The following CCDC57 variants were observed in gnomAD, a reference collection of about 807,000 sequenced individuals.
CCDC57 encodes the protein coiled-coil domain containing 57.
CCDC57 carries 118 observed loss-of-function variants against 118.9 expected under a neutral mutation model. The observed-to-expected ratio is 0.99, with a 90% CI of 0.86 to 1.16. CCDC57 has a LOEUF of 1.16. CCDC57 is among the 50% of genes most tolerant of loss of function. CCDC57 has a pLI of 0.00. For missense variants in CCDC57, 1,300 were observed against 1,320.7 expected, an observed-to-expected ratio of 0.98 and a Z score of 0.24; for synonymous variants, 527 against 532.9, an observed-to-expected ratio of 0.99 and a Z score of 0.15.
chr17:82,204,611 G>A (rs892663073), intron 2 of CCDC57, among the ~76,000 whole-genome samples: 14 of 152,098 alleles, frequency 9.2e-5, no homozygotes, highest in African/African-American at 1.9e-4. Flanking sequence ...GTGAAACCCC[G>A]TCTCTACTAA....
intron 11 of CCDC57, among the ~76,000 whole-genome samples, chr17:82,177,370 C>CT (rs2045659319): frequency 6.6e-6 from 1 of 151,748 alleles, no homozygotes; most frequent in Non-Finnish European, 1.5e-5. Flanking sequence ...GAGCAAAACT[C>CT]TGTCTAAAAA....
chr17:82,123,122 C>T (rs967688533), intron 19 of CCDC57, among the ~76,000 whole-genome samples: 1 of 105,766 alleles, frequency 9.5e-6, no homozygotes. Flanking sequence ...CTCCTAATAA[C>T]TTTTTTTTTT....
At chr17:82,148,369 A>G (rs138462816) in intron 16 of CCDC57, among the ~76,000 whole-genome samples, 173 of 794 alleles carry the variant, frequency 0.22, 15 homozygotes, top group South Asian at 0.33. Flanking sequence ...GGATGGGTGG[A>G]TGGGTGGGTG....
At chr17:82,146,099 G>T (rs764556037) in intron 16 of CCDC57, among the ~76,000 whole-genome samples, 38 of 152,190 alleles carry the variant, frequency 2.5e-4, no homozygotes, top group Non-Finnish European at 4.4e-4. Flanking sequence ...GTGACCCCTG[G>T]GCCACCGGTG....
At chr17:82,143,466 G>A (rs1378464190) in intron 16 of CCDC57, among the ~76,000 whole-genome samples, 5 of 114,988 alleles carry the variant, frequency 4.3e-5, no homozygotes, top group Non-Finnish European at 7.2e-5. Context: ...GGGGAGGGGT[G>A]CTCTTACACA....
At chr17:82,189,661 C>T (rs2047404743) in intron 7 of CCDC57, among the ~76,000 whole-genome samples, 2 of 152,032 alleles carry the variant, frequency 1.3e-5, no homozygotes, top group South Asian at 4.1e-4. Context: ...ACCAGCCTGG[C>T]CAACATGGCG....
chr17:82,211,549 A>AT (rs1246863141), intron 1 of CCDC57, among the ~76,000 whole-genome samples: 117 of 111,540 alleles, frequency 1.0e-3, no homozygotes, highest in Admixed American at 1.4e-3. Context: ...AGTTACAGAT[A>AT]ATTTTTTTTT....
intron 17 of CCDC57, among the ~76,000 whole-genome samples, chr17:82,133,790 G>C (rs1046396470): frequency 3.3e-5 from 5 of 152,030 alleles, no homozygotes; most frequent in African/African-American, 7.3e-5. Context: ...GAACCGGGAG[G>C]GGGAGGTTGT....
intron 8 of CCDC57, 58 bp from the exon 8 acceptor site, chr17:82,183,990 A>T: frequency 6.9e-7 from 1 of 1,446,884 alleles, no homozygotes; most frequent in Non-Finnish European, 9.5e-7. Context: ...GTTGTCTCTT[A>T]CACAGCACCC....
At chr17:82,157,656 C>T (rs2042836877) in intron 15 of CCDC57, 92 bp downstream of exon 14, 9 of 1,488,250 alleles carry the variant, frequency 6.0e-6, no homozygotes, top group Non-Finnish European at 7.2e-6. Flanking sequence ...GCTCCCAGGG[C>T]ATACAGACAG....
intron 19 of CCDC57, among the ~76,000 whole-genome samples, chr17:82,114,443 A>G (rs1239753569): frequency 6.6e-6 from 1 of 152,226 alleles, no homozygotes; most frequent in Non-Finnish European, 1.5e-5. Flanking sequence ...GCAGAGGCCA[A>G]TCACACTGAA....
At chr17:82,160,231 A>G (rs2043152099) in intron 14 of CCDC57, 3 of 152,330 alleles carry the variant, frequency 2.0e-5, no homozygotes, top group African/African-American at 7.2e-5. Context: ...GGACAGCATG[A>G]CTCAGAAGCA....
intron 1 of CCDC57, among the ~76,000 whole-genome samples, chr17:82,209,619 A>AC (rs1396600871): frequency 9.0e-6 from 1 of 111,600 alleles, no homozygotes; most frequent in East Asian, 9.1e-4. Context: ...AGTAGCTGGG[A>AC]CTCAGACACA....
At chr17:82,151,586 A>G (rs1242117356) in exon 16 of CCDC57, 1 of 1,550,326 alleles carries the variant, frequency 6.5e-7, no homozygotes, top group East Asian at 2.4e-5. Context: ...CTCTGCACGG[A>G]GCCTGTTCCC....
At chr17:82,120,773 T>G (rs1298927613) in intron 19 of CCDC57, among the ~76,000 whole-genome samples, 3 of 152,092 alleles carry the variant, frequency 2.0e-5, no homozygotes, top group Non-Finnish European at 2.9e-5. Flanking sequence ...CTTTTTTTTT[T>G]GAGATGGAGT....
chr17:82,120,326 T>C (rs1480312516), intron 19 of CCDC57, among the ~76,000 whole-genome samples: 2 of 152,102 alleles, frequency 1.3e-5, no homozygotes, highest in Non-Finnish European at 1.5e-5. Context: ...GACTGTGTAG[T>C]GTGCATACTC....
chr17:82,152,971 C>T (rs543999579), intron 15 of CCDC57, among the ~76,000 whole-genome samples: 2 of 152,292 alleles, frequency 1.3e-5, no homozygotes, highest in South Asian at 2.1e-4. Context: ...TCTATGGTGC[C>T]GCAGGCCCCA....
intron 2 of CCDC57, among the ~76,000 whole-genome samples, chr17:82,205,502 G>A (rs573553677): frequency 3.1e-4 from 47 of 152,320 alleles, no homozygotes; most frequent in African/African-American, 1.0e-3. Context: ...CCCAGCCTGC[G>A]TGGCTCCAGC....
At chr17:82,145,581 A>G (rs2040617239) in intron 16 of CCDC57, among the ~76,000 whole-genome samples, 1 of 152,036 alleles carries the variant, frequency 6.6e-6, no homozygotes, top group African/African-American at 2.4e-5. Flanking sequence ...AGTTTACTAG[A>G]AACAACATTT....
Sources: gnomAD v4.1 joint callset for allele counts (sites outside exome capture counted in the v4.1 genomes callset) on GRCh38, gnomAD v4.1.1 for gene constraint, MANE v1.5 for transcripts, NCBI Gene and HGNC (gene_info 2026-07-23, HGNC 2026-07-21) for gene names.